The following EPHA6 variants were observed in gnomAD, a reference collection of about 807,000 sequenced individuals.
EPHA6 encodes the protein EPH receptor A6.
A neutral mutation model predicts 112.0 loss-of-function variants in EPHA6; 50 were observed. The ratio of observed to expected loss-of-function variants is 0.45; its 90% CI spans 0.36 to 0.56. The LOEUF (loss-of-function observed/expected upper bound fraction) is 0.56. Among genes scored for constraint, EPHA6 ranks in the 20% least tolerant of loss-of-function variants. The probability of loss-of-function intolerance (pLI) is 0.00; values close to 1 mark genes in which losing one functional copy is unlikely to be tolerated. For synonymous variants in EPHA6, 529 were observed against 490.7 expected (o/e 1.08, Z -1.03); for missense variants, 1,280 against 1,417.4 (o/e 0.90, Z 1.56).
At position 96,897,211 on chromosome 3, in the gene EPHA6, A is replaced by AACACAC. The variant is rs57409609; in HGVS notation, c.450+30348_450+30353dup. On this transcript the variant is annotated intron_variant, in intron 2 of 17. Coordinates refer to ENST00000389672, the MANE Select transcript of EPHA6 (RefSeq NM_001080448.3). ...ATATCTATATATCTGTGTATATACA[A>AACACAC]ACACACACACACACACACACACACA... 4.1e-3 allele frequency among the ~76,000 whole-genome samples: 589 copies of AACACAC among 143,414 alleles called. 3 individuals are homozygous for AACACAC. The highest frequency in any genetic ancestry group is 0.011 in the African/African-American group (454 of 40,340). The allele number at this position is 143,414 out of a possible 152,430, so 94.1% of individuals were successfully genotyped here.
intron 7 of EPHA6, among the ~76,000 whole-genome samples, chr3:97,469,693 G>T (rs947769448): frequency 6.6e-6 from 1 of 151,640 alleles, no homozygotes; most frequent in Non-Finnish European, 1.5e-5. Context: ...AAGGTTTCTT[G>T]CCTGAACATC....
intron 10 of EPHA6, among the ~76,000 whole-genome samples, chr3:97,528,760 C>T (rs538142921): frequency 6.6e-6 from 1 of 152,200 alleles, no homozygotes; most frequent in Admixed American, 6.5e-5. Context: ...ATATGAAAAT[C>T]CCAATACTAA....
chr3:97,232,869 C>A (rs2078568684), intron 4 of EPHA6, among the ~76,000 whole-genome samples: 2 of 152,204 alleles, frequency 1.3e-5, no homozygotes, highest in African/African-American at 4.8e-5. Flanking sequence ...CCTGCTGGCA[C>A]TCGGGAGGGG....
chr3:97,293,936 C>T (rs923288129), intron 5 of EPHA6, among the ~76,000 whole-genome samples: 15 of 152,288 alleles, frequency 9.8e-5, no homozygotes, highest in Non-Finnish European at 1.6e-4. Flanking sequence ...AGTTGGGGAC[C>T]GAGGTGGCAT....
At chr3:97,223,560 G>T (rs1174606767) in intron 3 of EPHA6, among the ~76,000 whole-genome samples, 1 of 152,150 alleles carries the variant, frequency 6.6e-6, no homozygotes, top group Non-Finnish European at 1.5e-5. Flanking sequence ...AGTCACTGGG[G>T]GTGGGGAGCA....
At chr3:97,294,755 G>C (rs558193366) in intron 5 of EPHA6, among the ~76,000 whole-genome samples, 4 of 152,096 alleles carry the variant, frequency 2.6e-5, no homozygotes, top group African/African-American at 9.7e-5. Context: ...GTTTCCAAGT[G>C]TAGGACTTAA....
chr3:96,921,469 G>A (rs1415673502), intron 2 of EPHA6, among the ~76,000 whole-genome samples: 2 of 151,962 alleles, frequency 1.3e-5, no homozygotes, highest in Non-Finnish European at 2.9e-5. Context: ...GTCATAAATT[G>A]GGAATGGGTA....
intron 7 of EPHA6, among the ~76,000 whole-genome samples, chr3:97,460,776 T>A (rs115688433): frequency 1.3e-5 from 2 of 152,090 alleles, no homozygotes; most frequent in African/African-American, 4.8e-5. Context: ...CCAGCACTCC[T>A]TGGGGTCCGC....
chr3:97,614,516 T>A lies in EPHA6; in HGVS notation c.2574+3662T>A, dbSNP rs1007761231. 2.2e-4 allele frequency among the ~76,000 whole-genome samples: 33 copies of A among 148,972 alleles called. 1 individual carries two copies. Among genetic ancestry groups the A allele is most frequent in the African/African-American group, 7.3e-4 (30 of 40,884 alleles). On this transcript the variant is annotated intron_variant, in intron 13 of 17. Transcript: ENST00000389672. ...CACCCAGCTAATTTTTTTTTTTTTTTTTTTTTTTTTGTATTTTAGAAGAGA... is the reference window on the plus strand; with the variant it reads ...CACCCAGCTAATTTTTTTTTTTTTTATTTTTTTTTTGTATTTTAGAAGAGA...
rs537141165 is a variant in EPHA6, at chr3:97,760,965, T to C, written c.*12264T>C. 5 of 202,390 alleles carry C rather than the reference T, an allele frequency of 2.5e-5. No homozygotes were observed. Among genetic ancestry groups the C allele is most frequent in the Non-Finnish European group, 5.1e-5 (5 of 98,486 alleles). 12.5% of individuals were successfully genotyped at this position (202,390 alleles called of 1,614,324 possible). On this transcript the variant is annotated 3_prime_UTR_variant, in exon 18 of 18. Coordinates refer to ENST00000389672, the MANE Select transcript of EPHA6 (RefSeq NM_001080448.3). ...AGAATAGGGAAGTATAGCACTGTTT[T>C]ATGTTTTTCTCTTTAGTATTCTGTC...
chr3:97,327,971 GTATA>G, intron 5 of EPHA6, among the ~76,000 whole-genome samples: 3 of 132,070 alleles, frequency 2.3e-5, no homozygotes, highest in African/African-American at 1.0e-4. Flanking sequence ...GTATATATAT[GTATA>G]TGTGCATATA....
intron 3 of EPHA6, among the ~76,000 whole-genome samples, chr3:97,063,863 C>T (rs143908982): frequency 1.0e-3 from 157 of 152,160 alleles, no homozygotes; most frequent in African/African-American, 3.7e-3. Context: ...ATTGAATGCC[C>T]AAGCTCAATT....
At chr3:97,436,977 A>G (rs568060487) in intron 6 of EPHA6, among the ~76,000 whole-genome samples, 1 of 152,286 alleles carries the variant, frequency 6.6e-6, no homozygotes, top group East Asian at 1.9e-4. Flanking sequence ...CACGTGGCCC[A>G]GGACGGCTTT....
rs1007668253 is a variant in EPHA6 at position 97,239,698 on chromosome 3, G to A, written c.1271-4254G>A. On this transcript the variant is annotated intron_variant, in intron 4 of 17. Coordinates refer to ENST00000389672, the MANE Select transcript of EPHA6 (RefSeq NM_001080448.3). ...AGCTGAGGAGGAGGAGAGAAAGAAG[G>A]GCTTGTTCTTTCTGTCTCAGGGGAG... is the stretch of plus-strand genomic sequence containing the variant. 4.0e-5 allele frequency among the ~76,000 whole-genome samples: 6 copies of A among 151,706 alleles called. No individual in the cohort carries two copies. In the East Asian group the frequency reaches 1.2e-3, roughly 29 times the overall value.
intron 3 of EPHA6, among the ~76,000 whole-genome samples, chr3:97,154,108 C>T (rs943440032): frequency 1.1e-4 from 16 of 150,394 alleles, no homozygotes; most frequent in Middle Eastern, 3.4e-3. Flanking sequence ...GAGGTTGCAG[C>T]GAGCCGAGAT....
chr3:97,452,264 C>T (rs2090553547), intron 7 of EPHA6, among the ~76,000 whole-genome samples: 1 of 151,740 alleles, frequency 6.6e-6, no homozygotes, highest in African/African-American at 2.4e-5. Flanking sequence ...CTGTTAGCAT[C>T]ATAAAATGAA....
chr3:97,516,183 C>T (rs1170043359), intron 10 of EPHA6, among the ~76,000 whole-genome samples: 2 of 152,080 alleles, frequency 1.3e-5, no homozygotes, highest in Admixed American at 6.5e-5. Flanking sequence ...GGTATTTAAC[C>T]AACTAACAAT....
chr3:97,548,435 G>T (rs976446313), intron 11 of EPHA6, among the ~76,000 whole-genome samples: 7 of 152,036 alleles, frequency 4.6e-5, no homozygotes, highest in Non-Finnish European at 8.8e-5. Flanking sequence ...ATATATTTTG[G>T]GGAGGGATAA....
At chr3:97,661,817 G>C (rs1161354248) in intron 14 of EPHA6, among the ~76,000 whole-genome samples, 1 of 152,106 alleles carries the variant, frequency 6.6e-6, no homozygotes, top group Admixed American at 6.6e-5. Context: ...ATGTATACAA[G>C]CTTGAGGGTT....
Sources: allele counts gnomAD v4.1 joint callset (sites outside exome capture counted in the v4.1 genomes callset), GRCh38; gene constraint gnomAD v4.1.1; transcripts MANE v1.5; gene names NCBI Gene and HGNC (gene_info 2026-07-23, HGNC 2026-07-21).